PNLIPRP1: variants seen among roughly 807,000 people sequenced by gnomAD.
PNLIPRP1 encodes the protein inactive pancreatic lipase-related protein 1.
PNLIPRP1 carries 57 observed loss-of-function variants against 54.6 expected under a neutral mutation model. The observed-to-expected ratio is 1.04, with a 90% CI of 0.84 to 1.30. The LOEUF (loss-of-function observed/expected upper bound fraction) is 1.30, where lower values mean the gene tolerates loss of function less well. PNLIPRP1 is among the 50% of genes most tolerant of loss of function. PNLIPRP1 has a pLI of 0.00. For synonymous variants in PNLIPRP1, 232 were observed against 208.8 expected (o/e 1.11, Z -0.96); for missense variants, 567 against 568.5 (o/e 1.00, Z 0.03).
intron 10 of PNLIPRP1, among the ~76,000 whole-genome samples, chr10:116,601,911 C>T (rs910181944): frequency 3.3e-5 from 5 of 152,282 alleles, no homozygotes; most frequent in South Asian, 4.1e-4. Context: ...GCAAAATGCA[C>T]GCTGTTTAGC....
At chr10:116,599,017 G>A (rs1847784142) in intron 8 of PNLIPRP1, among the ~76,000 whole-genome samples, 2 of 152,172 alleles carry the variant, frequency 1.3e-5, no homozygotes, top group Admixed American at 1.3e-4. Context: ...CACTTTGGGA[G>A]GCCGAGGCGG....
chr10:116,608,537 C>T (rs113435040), intron 12 of PNLIPRP1, among the ~76,000 whole-genome samples: 2 of 152,212 alleles, frequency 1.3e-5, no homozygotes, highest in Non-Finnish European at 2.9e-5. Flanking sequence ...ATTAATGGAG[C>T]GCCCTTTGTG....
intron 12 of PNLIPRP1, among the ~76,000 whole-genome samples, chr10:116,605,867 G>C (rs1300826685): frequency 6.6e-6 from 1 of 152,222 alleles, no homozygotes; most frequent in East Asian, 1.9e-4. Flanking sequence ...GTATGGGCTA[G>C]TGAATAGCTA....
At position 116,591,900 on chromosome 10, in the gene PNLIPRP1, C is replaced by T. The variant is rs1328400065; in HGVS notation, c.179C>T (p.Thr60Ile). ...EKIGTRFLLY[T>I]NENPNNFQIL... The stretch of plus-strand genomic sequence containing the variant: ...ATCGGCACCCGCTTCCTGCTGTACA[C>T]CAATGAAAACCCAAACAACTTTCAA... Residue 60 changes from threonine to isoleucine, a missense_variant, in exon 3 of 13, where the codon ACC becomes ATC. Transcript: ENST00000358834. The T allele has an allele frequency of 6.2e-7, 1 of 1,614,034 alleles. No individual in the cohort carries two copies. The highest frequency in any genetic ancestry group is 2.2e-5 in the East Asian group (1 of 44,890).
chr10:116,591,716 C>T, intron 2 of PNLIPRP1, 55 bp from the exon 3 acceptor site: 3 of 1,588,572 alleles, frequency 1.9e-6, no homozygotes, highest in Non-Finnish European at 8.6e-7. Context: ...AGCAGTGACA[C>T]CCCAGAGCAC....
At chr10:116,602,217 C>T (rs1554864910) in intron 10 of PNLIPRP1, among the ~76,000 whole-genome samples, 1 of 152,094 alleles carries the variant, frequency 6.6e-6, no homozygotes, top group Admixed American at 6.5e-5. Context: ...GACGGGGTTT[C>T]ACCATGTTAG....
intron 5 of PNLIPRP1, 192 bp downstream of exon 5, chr10:116,595,056 G>A (rs1847711822): frequency 3.2e-6 from 2 of 624,234 alleles, no homozygotes; most frequent in East Asian, 2.8e-5. Flanking sequence ...CTAACACTTA[G>A]AAAGTGGTTT....
chr10:116,592,542 G>C lies in PNLIPRP1; in HGVS notation c.330+1G>C, dbSNP rs782558560. The C allele has an allele frequency of 9.3e-6, 15 of 1,614,010 alleles. No homozygotes were observed. Among genetic ancestry groups the C allele is most frequent in the Non-Finnish European group, 5.1e-6 (6 of 1,180,026 alleles). On this transcript the variant is annotated splice_donor_variant, in intron 4 of 12. Coordinates refer to ENST00000358834, the MANE Select transcript of PNLIPRP1 (RefSeq NM_006229.4). LOFTEE classifies it high-confidence loss of function. ...GAGCTGGGTGACAGACATGTGCAAG[G>C]TAGGAGCCAGCTCTGATCCCTGTGG...
At chr10:116,591,946 A>G (rs782733164) in intron 3 of PNLIPRP1, 21 bp downstream of exon 3, 2 of 1,613,728 alleles carry the variant, frequency 1.2e-6, no homozygotes, top group Non-Finnish European at 1.7e-6. Context: ...TGTCATTTAA[A>G]TGTCACTGTA....
At chr10:116,594,669 G>T in intron 4 of PNLIPRP1, 61 bp from the exon 5 acceptor site, 1 of 1,596,194 alleles carries the variant, frequency 6.3e-7, no homozygotes, top group Admixed American at 1.7e-5. Context: ...CTGAGCCCTG[G>T]CTGGATAAGG....
At chr10:116,593,672 C>T (rs1847681232) in intron 4 of PNLIPRP1, 1 of 152,220 alleles carries the variant, frequency 6.6e-6, no homozygotes, top group African/African-American at 2.4e-5. Flanking sequence ...AATGAAAGTC[C>T]TGGCCAGGTG....
At chr10:116,594,913 T>C in intron 5 of PNLIPRP1, 49 bp downstream of exon 5, 1 of 1,603,238 alleles carries the variant, frequency 6.2e-7, no homozygotes, top group South Asian at 1.1e-5. Context: ...TGCCTGCTGG[T>C]CTCTGTTTGG....
chr10:116,593,483 T>C (rs1401293690), intron 4 of PNLIPRP1, among the ~76,000 whole-genome samples: 1 of 152,174 alleles, frequency 6.6e-6, no homozygotes, highest in Non-Finnish European at 1.5e-5. Context: ...CACCAACCAG[T>C]AATGTCAAAA....
chr10:116,596,309 G>T lies in PNLIPRP1; in HGVS notation c.561G>T (p.Leu187=). The T allele has an allele frequency of 6.2e-7, 1 of 1,609,440 alleles. No homozygotes were observed. Among genetic ancestry groups the T allele is most frequent in the Non-Finnish European group, 8.5e-7 (1 of 1,175,968 alleles). ...AGGCAGGAAGCAAGACTCCAGGCCT[G>T]AGCAGGATTACAGGTAAGGCCCCAG... ...AGEAGSKTPG[L]SRITGLDPVE... The change falls in exon 6 of 13, where the codon CTG becomes CTT. Residue 187 remains leucine, a synonymous_variant. Coordinates refer to ENST00000358834, the MANE Select transcript of PNLIPRP1 (RefSeq NM_006229.4).
chr10:116,592,559 T>A lies in PNLIPRP1; in HGVS notation c.330+18T>A. ...TGTGCAAGGTAGGAGCCAGCTCTGATCCCTGTGGCCAGCTGAGGCCAACAC... is the reference window on the plus strand; with the variant it reads ...TGTGCAAGGTAGGAGCCAGCTCTGAACCCTGTGGCCAGCTGAGGCCAACAC... On this transcript the variant is annotated intron_variant, in intron 4 of 12. Coordinates refer to ENST00000358834, the MANE Select transcript of PNLIPRP1 (RefSeq NM_006229.4). 1 of 1,614,112 alleles carries A rather than the reference T, an allele frequency of 6.2e-7. No individual in the cohort carries two copies. The highest frequency in any genetic ancestry group is 1.1e-5 in the South Asian group (1 of 91,082).
chr10:116,596,189 T>C, intron 5 of PNLIPRP1, 25 bp from the exon 6 acceptor site: 1 of 1,502,564 alleles, frequency 6.7e-7, no homozygotes, highest in Middle Eastern at 1.7e-4. Context: ...AAAAATGTCC[T>C]GAAAATACAA....
chr10:116,597,725 C>A, intron 6 of PNLIPRP1, 103 bp from the exon 7 acceptor site: 1 of 1,283,288 alleles, frequency 7.8e-7, no homozygotes, highest in Non-Finnish European at 1.1e-6. Flanking sequence ...GTGCATGGTA[C>A]CCATTGAGTT....
intron 10 of PNLIPRP1, among the ~76,000 whole-genome samples, chr10:116,602,077 G>A (rs573240463): frequency 8.3e-4 from 124 of 150,160 alleles, no homozygotes; most frequent in African/African-American, 2.8e-3. Flanking sequence ...GTGCAGAGGC[G>A]CAATCTTGGC....
At chr10:116,607,666 G>T in intron 12 of PNLIPRP1, among the ~76,000 whole-genome samples, 1 of 152,116 alleles carries the variant, frequency 6.6e-6, no homozygotes, top group Non-Finnish European at 1.5e-5. Context: ...AGTGGGAAGG[G>T]GCCAAGGAAC....
Sources: gnomAD v4.1 joint callset for allele counts (sites outside exome capture counted in the v4.1 genomes callset) on GRCh38, gnomAD v4.1.1 for gene constraint, MANE v1.5 for transcripts, NCBI Gene and HGNC (gene_info 2026-07-23, HGNC 2026-07-21) for gene names.